Variants in SYNE1 observed in about 807,000 individuals in gnomAD.
The protein encoded by SYNE1 is spectrin repeat containing nuclear envelope protein 1, also known as nesprin-1.
Under a neutral mutation model 1,111.0 loss-of-function variants are expected in SYNE1, and 616 were observed. The ratio of observed to expected loss-of-function variants is 0.55; its 90% CI spans 0.52 to 0.59. SYNE1 has a LOEUF of 0.59. SYNE1 is among the 20% of genes least tolerant of loss of function. SYNE1 has a pLI of 0.00. For missense variants in SYNE1, 10,006 were observed against 10,417.0 expected (o/e 0.96, Z 1.72); for synonymous variants, 3,855 against 3,825.8 (o/e 1.01, Z -0.28).
chr6:152,237,192 A>G (rs2084329619), intron 108 of SYNE1, among the ~76,000 whole-genome samples: 1 of 152,078 alleles, frequency 6.6e-6, no homozygotes, highest in South Asian at 2.1e-4. Flanking sequence ...TGAGTAAGCT[A>G]CTAAACTCTG....
chr6:152,441,771 T>A (rs1295767689), intron 31 of SYNE1, among the ~76,000 whole-genome samples: 2 of 152,202 alleles, frequency 1.3e-5, no homozygotes, highest in Non-Finnish European at 2.9e-5. Flanking sequence ...AATGGCATGA[T>A]CAAATTTCTG....
intron 34 of SYNE1, among the ~76,000 whole-genome samples, chr6:152,432,560 T>C (rs169976): frequency 0.21 from 32,123 of 152,012 alleles, 3,596 homozygotes; most frequent in East Asian, 0.38. Context: ...AAACATGTAA[T>C]CTTTTTTTCT....
At chr6:152,342,860 C>G (rs1563209100) in intron 74 of SYNE1, among the ~76,000 whole-genome samples, 6 of 152,302 alleles carry the variant, frequency 3.9e-5, no homozygotes, top group Admixed American at 3.3e-4. Context: ...TAAAAACTAA[C>G]ATTTCATTCA....
intron 5 of SYNE1, 53 bp from the exon 6 acceptor site, chr6:152,520,595 G>A: frequency 1.3e-6 from 2 of 1,570,214 alleles, no homozygotes; most frequent in South Asian, 1.1e-5. Context: ...ATATTAAAAT[G>A]TTAGTTATAA....
rs142413840 is a variant in SYNE1, at chr6:152,258,241, T to C, written c.18973-1476A>G. On this transcript the variant is annotated intron_variant, in intron 101 of 145. Transcript: ENST00000367255. ...TTTCTTGAAAAAAGTTATTTGACAATGAAATTAATACCTGAGAGCTGGATC... is the reference window on the plus strand; with the variant it reads ...TTTCTTGAAAAAAGTTATTTGACAACGAAATTAATACCTGAGAGCTGGATC... 1.4e-3 allele frequency among the ~76,000 whole-genome samples: 211 copies of C among 152,194 alleles called. 2 individuals carry two copies. Among genetic ancestry groups the C allele is most frequent in the Non-Finnish European group, 2.4e-4 (16 of 67,992 alleles).
intron 33 of SYNE1, 53 bp from the exon 34 acceptor site, chr6:152,433,998 C>T (rs1592618522): frequency 6.8e-7 from 1 of 1,478,844 alleles, no homozygotes; most frequent in Admixed American, 1.9e-5. Context: ...TAGAGAACAA[C>T]AACACATTTT....
intron 98 of SYNE1, among the ~76,000 whole-genome samples, chr6:152,270,015 C>G (rs1356603777): frequency 6.6e-6 from 1 of 152,122 alleles, no homozygotes; most frequent in Non-Finnish European, 1.5e-5. Context: ...GTCACAGAGC[C>G]TCACCTCCAC....
In SYNE1 at chr6:152,572,980, T is replaced by A. The variant is rs142909972; in HGVS notation, c.68-32959A>T. ...AACACCTTCTGGGAAGGATTCCTTC[T>A]GGGAATGTCTATTTGACATTCACAC... On this transcript the variant is annotated intron_variant, in intron 3 of 145. Transcript: ENST00000367255. Among the ~76,000 whole-genome samples the A allele has an allele frequency of 1.4e-3, 207 of 152,300 alleles. 2 individuals carry two copies. Among genetic ancestry groups the A allele is most frequent in the African/African-American group, 4.9e-3 (202 of 41,564 alleles).
At chr6:152,346,330 G>T (rs1367295673) in intron 73 of SYNE1, among the ~76,000 whole-genome samples, 3 of 151,802 alleles carry the variant, frequency 2.0e-5, no homozygotes, top group Admixed American at 2.0e-4. Flanking sequence ...CCACGCCCAG[G>T]TAATTTTTGT....
chr6:152,543,787 T>C (rs182252706), intron 3 of SYNE1, among the ~76,000 whole-genome samples: 53 of 152,360 alleles, frequency 3.5e-4, no homozygotes, highest in Non-Finnish European at 5.0e-4. Flanking sequence ...CATGTTCAGA[T>C]ACACAAAATA....
intron 87 of SYNE1, among the ~76,000 whole-genome samples, chr6:152,312,835 A>G (rs2095594714): frequency 6.6e-6 from 1 of 152,134 alleles, no homozygotes; most frequent in African/African-American, 2.4e-5. Context: ...ATAGTTTTCC[A>G]TCTTTCTTTT....
intron 63 of SYNE1, 90 bp from the exon 64 acceptor site, chr6:152,362,413 G>T: frequency 6.4e-7 from 1 of 1,554,170 alleles, no homozygotes; most frequent in Non-Finnish European, 8.8e-7. Context: ...ACTCCAGTAA[G>T]CAAGGGGTCA....
intron 3 of SYNE1, among the ~76,000 whole-genome samples, chr6:152,541,437 G>C (rs751919337): frequency 6.6e-6 from 1 of 152,090 alleles, no homozygotes; most frequent in Non-Finnish European, 1.5e-5. Flanking sequence ...CAGGTTACAA[G>C]TTGTTGGTGT....
In SYNE1 at chr6:152,213,868, C is replaced by T; in HGVS notation, c.22347-109G>A. ...TCTGTGCTCAATTCTAATTGAACCA[C>T]CACAAAGCTTTCATGTCAGGTGGTA... On this transcript the variant is annotated intron_variant, in intron 122 of 145. Transcript: ENST00000367255. The T allele has an allele frequency of 5.4e-6, 8 of 1,481,322 alleles. No individual in the cohort carries two copies. The South Asian group carries it at 8.4e-5, about 15-fold the overall frequency. The allele number at this position is 1,481,322 out of a possible 1,614,324, so 91.8% of individuals were successfully genotyped here.
At chr6:152,484,705 A>T (rs2098930290) in intron 13 of SYNE1, 130 bp downstream of exon 13, 1 of 942,000 alleles carries the variant, frequency 1.1e-6, no homozygotes, top group South Asian at 1.6e-5. Flanking sequence ...ATTCTCCCAT[A>T]GTTAAGTCTT....
Position 152,515,941 on chromosome 6 carries a change from T to C in SYNE1, c.309+4518A>G, listed in dbSNP as rs1227548457. Reference sequence around the variant, plus strand: ...CCAGTAAAATGAGGAATACCTTCATTATTCCCTAAGTCAAACTAAATAAGA... The same window carrying C: ...CCAGTAAAATGAGGAATACCTTCATCATTCCCTAAGTCAAACTAAATAAGA... On this transcript the variant is annotated intron_variant, in intron 6 of 145. Transcript: ENST00000367255. Among the ~76,000 whole-genome samples, 4 of 152,166 alleles carry C rather than the reference T, an allele frequency of 2.6e-5. No individual in the cohort carries two copies. In the East Asian group the frequency reaches 7.7e-4, roughly 29 times the overall value.
intron 4 of SYNE1, among the ~76,000 whole-genome samples, chr6:152,536,806 A>G (rs926575545): frequency 1.3e-5 from 2 of 152,062 alleles, no homozygotes; most frequent in African/African-American, 4.8e-5. Flanking sequence ...ACATCTTTTC[A>G]GTCTATCCAT....
At chr6:152,546,243 C>T (rs1207882818) in intron 3 of SYNE1, 5 of 152,166 alleles carry the variant, frequency 3.3e-5, no homozygotes, top group Non-Finnish European at 7.4e-5. Flanking sequence ...CTTATAACTA[C>T]TCAATGTTAA....
At chr6:152,188,429 G>A (rs904797706) in intron 128 of SYNE1, among the ~76,000 whole-genome samples, 5 of 151,398 alleles carry the variant, frequency 3.3e-5, no homozygotes, top group Admixed American at 2.6e-4. Context: ...TTTTTAAAAC[G>A]TTGTGCACAT....
Sources: allele counts gnomAD v4.1 joint callset (sites outside exome capture counted in the v4.1 genomes callset), GRCh38; gene constraint gnomAD v4.1.1; transcripts MANE v1.5; gene names NCBI Gene and HGNC (gene_info 2026-07-23, HGNC 2026-07-21).